ZNF79: variants seen among roughly 807,000 people sequenced by gnomAD.
ZNF79 encodes zinc finger protein 79.
ZNF79 carries 13 observed loss-of-function variants against 14.9 expected under a neutral mutation model. The ratio of observed to expected loss-of-function variants is 0.87; its 90% confidence interval spans 0.57 to 1.38. ZNF79 has a LOEUF of 1.38. ZNF79 is among the 40% of genes most tolerant of loss of function. The probability of loss-of-function intolerance (pLI) is 0.00; values close to 1 mark genes in which losing one functional copy is unlikely to be tolerated. For missense variants in ZNF79, 631 were observed against 630.6 expected (o/e 1.00, Z -0.01); for synonymous variants, 223 against 235.1 (o/e 0.95, Z 0.47).
At chr9:127,427,539 A>ATT (rs1564230225) in intron 1 of ZNF79, among the ~76,000 whole-genome samples, 1 of 122,644 alleles carries the variant, frequency 8.2e-6, no homozygotes, top group African/African-American at 3.0e-5. Flanking sequence ...CAATAACTAA[A>ATT]TTCTTTTTTT....
chr9:127,438,583 G>C (rs1319428529), intron 4 of ZNF79, among the ~76,000 whole-genome samples: 3 of 152,206 alleles, frequency 2.0e-5, no homozygotes, highest in African/African-American at 7.2e-5. Flanking sequence ...GGGTCTGACT[G>C]AACACTGTAG....
intron 1 of ZNF79, among the ~76,000 whole-genome samples, chr9:127,426,447 T>C (rs1298030158): frequency 6.6e-6 from 1 of 150,552 alleles, no homozygotes; most frequent in Non-Finnish European, 1.5e-5. Flanking sequence ...CGATCTCAGC[T>C]CACCGCAACC....
intron 4 of ZNF79, among the ~76,000 whole-genome samples, chr9:127,436,829 G>C (rs1163624212): frequency 1.3e-5 from 2 of 152,170 alleles, no homozygotes; most frequent in Non-Finnish European, 2.9e-5. Context: ...GGCCGAGGCA[G>C]GTGGATCACC....
At position 127,440,210 on chromosome 9, in the gene ZNF79, G is replaced by T. The variant is rs561173975; in HGVS notation, c.329-3819G>T. 5.9e-5 allele frequency among the ~76,000 whole-genome samples: 9 copies of T among 152,298 alleles called. No homozygotes were observed. In the East Asian group the frequency reaches 1.5e-3, roughly 26 times the overall value. ...TGAGTTGTGTGAAGAAAATAAAGCT[G>T]CGCAAGGGATTAGTGACTGGGGCAC... On this transcript the variant is annotated intron_variant, in intron 4 of 4. Coordinates refer to ENST00000342483, the MANE Select transcript of ZNF79 (RefSeq NM_007135.3).
chr9:127,428,400 CAG>C (rs1833799555), intron 1 of ZNF79, among the ~76,000 whole-genome samples: 1 of 152,204 alleles, frequency 6.6e-6, no homozygotes, highest in Non-Finnish European at 1.5e-5. Context: ...CTTAAATTTG[CAG>C]AGTCACTTTC....
intron 4 of ZNF79, among the ~76,000 whole-genome samples, chr9:127,443,488 T>C (rs1021152602): frequency 3.3e-5 from 5 of 152,210 alleles, no homozygotes; most frequent in African/African-American, 1.2e-4. Context: ...TGTACTTTCA[T>C]ATGACTGGCA....
intron 1 of ZNF79, 41 bp from the exon 2 acceptor site, chr9:127,428,791 A>G: frequency 6.7e-7 from 1 of 1,488,760 alleles, no homozygotes. Context: ...GTGACTTCAT[A>G]AACTGCTTTT....
chr9:127,441,561 G>C (rs6478784), intron 4 of ZNF79, among the ~76,000 whole-genome samples: 91,931 of 151,838 alleles, frequency 0.61, 28,135 homozygotes, highest in African/African-American at 0.63. Context: ...CCTGTAATCC[G>C]AGCACTTTGG....
intron 2 of ZNF79, among the ~76,000 whole-genome samples, chr9:127,434,173 G>A (rs1267405633): frequency 1.3e-5 from 2 of 151,860 alleles, no homozygotes; most frequent in Non-Finnish European, 2.9e-5. Context: ...GCCTTGGATA[G>A]CCTTCTCTTG....
At chr9:127,443,904 A>G in intron 4 of ZNF79, 125 bp from the exon 5 acceptor site, 8 of 633,708 alleles carry the variant, frequency 1.3e-5, no homozygotes, top group African/African-American at 1.1e-4. Context: ...CCGTCTCAAA[A>G]AAAAAAAAAA....
intron 1 of ZNF79, among the ~76,000 whole-genome samples, chr9:127,427,908 T>C (rs1015525302): frequency 6.6e-6 from 1 of 152,222 alleles, no homozygotes; most frequent in Non-Finnish European, 1.5e-5. Flanking sequence ...CTTGTGCTTT[T>C]GGTGTCATAT....
Position 127,445,308 on chromosome 9 carries a change from G to A in ZNF79, c.*111G>A. On this transcript the variant is annotated 3_prime_UTR_variant, in exon 5 of 5. Transcript: ENST00000342483. ...AAAGCATCTGAAGACATCTAACTTA[G>A]AGTCTGCAGCCCAGAGCCACATGCA... is the stretch of plus-strand genomic sequence containing the variant. 8.2e-7 allele frequency: 1 copy of A among 1,212,702 alleles called. No individual in the cohort carries two copies. The highest frequency in any genetic ancestry group is 1.1e-6 in the Non-Finnish European group (1 of 870,256). The allele number at this position is 1,212,702 out of a possible 1,614,324, so 75.1% of individuals were successfully genotyped here.
In ZNF79 at chr9:127,435,090, G is replaced by T; in HGVS notation, c.106G>T (p.Gly36Ter). Residue 36 changes from glycine to a stop codon, truncating the protein, a stop_gained and splice_region_variant, in exon 3 of 5, where the codon GGA becomes TGA. Coordinates refer to ENST00000342483, the MANE Select transcript of ZNF79 (RefSeq NM_007135.3). LOFTEE classifies it high-confidence loss of function. ...AAGLLTAGPR[G>*]STFFSSVTVA... ...AGATGAAATGTGCTTGTTTTTTCAGGGATCCACATTCTTCAGCAGTGTGAC... is the reference window on the plus strand; with the variant it reads ...AGATGAAATGTGCTTGTTTTTTCAGTGATCCACATTCTTCAGCAGTGTGAC... 6.2e-7 allele frequency: 1 copy of T among 1,604,576 alleles called. No individual in the cohort carries two copies. Among genetic ancestry groups the T allele is most frequent in the South Asian group, 1.1e-5 (1 of 89,752 alleles).
intron 4 of ZNF79, among the ~76,000 whole-genome samples, chr9:127,439,672 G>C (rs1304676390): frequency 6.6e-6 from 1 of 152,134 alleles, no homozygotes; most frequent in Non-Finnish European, 1.5e-5. Context: ...CGCAGACCCT[G>C]CTGGCCAGTT....
chr9:127,434,247 C>T (rs764383157), intron 2 of ZNF79, among the ~76,000 whole-genome samples: 3 of 152,140 alleles, frequency 2.0e-5, no homozygotes, highest in Non-Finnish European at 2.9e-5. Context: ...GTGGTCCTCC[C>T]TCCCCGCCTT....
intron 4 of ZNF79, among the ~76,000 whole-genome samples, chr9:127,443,679 A>G (rs537938674): frequency 6.6e-6 from 1 of 152,232 alleles, no homozygotes; most frequent in East Asian, 1.9e-4. Context: ...AGGCGGGTGG[A>G]TCACGAGGTC....
In ZNF79 at chr9:127,439,199, AC is replaced by A. The variant is rs1588075831; in HGVS notation, c.328+3197del. Among the ~76,000 whole-genome samples, 81 of 151,040 alleles carry A rather than the reference AC, an allele frequency of 5.4e-4. 1 individual carries two copies. The highest frequency in any genetic ancestry group is 1.2e-3 in the African/African-American group (51 of 41,316). On this transcript the variant is annotated intron_variant, in intron 4 of 4. Coordinates refer to ENST00000342483, the MANE Select transcript of ZNF79 (RefSeq NM_007135.3). ...GTGAAATACACACACACACACACAC[AC>A]ACACAACGCGCACACACACACATAT... is the stretch of plus-strand genomic sequence containing the variant.
intron 2 of ZNF79, among the ~76,000 whole-genome samples, chr9:127,431,361 C>A (rs1457474092): frequency 6.6e-6 from 1 of 151,728 alleles, no homozygotes; most frequent in Non-Finnish European, 1.5e-5. Flanking sequence ...AATGCTCAAG[C>A]GATTCTCGTG....
chr9:127,427,745 C>A (rs1833786563), intron 1 of ZNF79, among the ~76,000 whole-genome samples: 1 of 152,160 alleles, frequency 6.6e-6, no homozygotes, highest in East Asian at 1.9e-4. Context: ...ATTATGTTGC[C>A]CAGGCTGATC....
Sources: gnomAD v4.1 joint callset for allele counts (sites outside exome capture counted in the v4.1 genomes callset) on GRCh38, gnomAD v4.1.1 for gene constraint, MANE v1.5 for transcripts, NCBI Gene and HGNC (gene_info 2026-07-23, HGNC 2026-07-21) for gene names.